The following SEPTIN2 variants were observed in gnomAD, a reference collection of about 807,000 sequenced individuals.
SEPTIN2 encodes the protein septin-2.
In SEPTIN2, 34 loss-of-function variants were observed where a neutral mutation model predicts 46.5. The observed-to-expected ratio is 0.73, with a 90% CI of 0.56 to 0.97. SEPTIN2 has a LOEUF of 0.97. Ranked by LOEUF, SEPTIN2 falls within the 50% of genes least tolerant of loss-of-function variation. SEPTIN2 has a pLI of 0.00. For missense variants in SEPTIN2, 347 were observed against 448.4 expected (o/e 0.77, Z 2.04); for synonymous variants, 175 against 153.4 (o/e 1.14, Z -1.04).
At chr2:241,318,896 C>A (rs1238429197) in intron 1 of SEPTIN2, among the ~76,000 whole-genome samples, 1 of 152,126 alleles carries the variant, frequency 6.6e-6, no homozygotes, top group African/African-American at 2.4e-5. Context: ...CGGGGTTTCA[C>A]CATGTTGGCC....
intron 7 of SEPTIN2, among the ~76,000 whole-genome samples, chr2:241,338,796 A>G (rs2080634312): frequency 8.9e-6 from 1 of 112,710 alleles, no homozygotes; most frequent in African/African-American, 3.7e-5. Context: ...TTATTTATAT[A>G]TAATACATAT....
rs111928970 is a variant in SEPTIN2 at position 241,322,605 on chromosome 2, C to CA, written c.-17-1598dup. Among the ~76,000 whole-genome samples the CA allele has an allele frequency of 4.2e-3, 421 of 100,562 alleles. 3 individuals carry two copies. The highest frequency in any genetic ancestry group is 0.017 in the Middle Eastern group (3 of 176). 66.0% of individuals were successfully genotyped at this position (100,562 alleles called of 152,430 possible). A position where few individuals can be genotyped will look rare whatever the true frequency, so the allele number is the denominator to read the frequency against. Reference sequence around the variant, plus strand: ...CGGGAGACAATGCGAGACTCCGTCTCAAAAAAAAAAAAAGAAAAGAGAAAA... The same window carrying CA: ...CGGGAGACAATGCGAGACTCCGTCTCAAAAAAAAAAAAAAGAAAAGAGAAAA... On this transcript the variant is annotated intron_variant, in intron 1 of 12. Transcript: ENST00000391971.
rs1465020331 is a variant in SEPTIN2 at position 241,352,562 on chromosome 2, A to G, written c.*625A>G. 6.5e-6 allele frequency: 1 copy of G among 152,674 alleles called. No homozygotes were observed. Among genetic ancestry groups the G allele is most frequent in the East Asian group, 1.9e-4 (1 of 5,202 alleles). 9.5% of individuals were successfully genotyped at this position (152,674 alleles called of 1,614,324 possible). ...ACATAATAGAATTTCCTAATGAGAT[A>G]TATCTTTATACTTAAACAGCTTTTT... On this transcript the variant is annotated 3_prime_UTR_variant, in exon 13 of 13. Coordinates refer to ENST00000391971, the MANE Select transcript of SEPTIN2 (RefSeq NM_004404.5).
intron 7 of SEPTIN2, 59 bp from the exon 8 acceptor site, chr2:241,342,933 T>G (rs1207669207): frequency 2.4e-6 from 2 of 817,496 alleles, no homozygotes; most frequent in African/African-American, 3.5e-5. Context: ...TGAGCTAGAA[T>G]TGGCTACAAT....
rs542336254 is a variant in SEPTIN2, at chr2:241,335,160, C to T, written c.165C>T (p.Asn55=). ...GTCTAGGAAAATCGACTCTCATAAA[C>T]AGCCTATTCCTAACTGATCTGTACC... ...ESGLGKSTLI[N]SLFLTDLYPE... is the part of the protein sequence containing the mutation. Residue 55 remains asparagine, a synonymous_variant, in exon 4 of 13, where the codon AAC becomes AAT. Coordinates refer to ENST00000391971, the MANE Select transcript of SEPTIN2 (RefSeq NM_004404.5). 2.5e-6 allele frequency: 4 copies of T among 1,613,792 alleles called. 1 individual carries two copies. In the South Asian group the frequency reaches 4.4e-5, roughly 18 times the overall value.
intron 9 of SEPTIN2, 57 bp from the exon 10 acceptor site, chr2:241,346,109 T>C (rs890244145): frequency 4.6e-6 from 6 of 1,301,114 alleles, no homozygotes; most frequent in Admixed American, 3.7e-5. Flanking sequence ...TGGTTTTTTT[T>C]CTCATGAGAA....
intron 3 of SEPTIN2, among the ~76,000 whole-genome samples, chr2:241,330,371 G>C (rs1013533361): frequency 6.6e-6 from 1 of 152,200 alleles, no homozygotes; most frequent in Admixed American, 6.5e-5. Flanking sequence ...AAAAAATAAT[G>C]ACTGCACCAT....
intron 9 of SEPTIN2, among the ~76,000 whole-genome samples, chr2:241,345,633 A>G (rs1405907819): frequency 2.0e-5 from 3 of 152,252 alleles, no homozygotes; most frequent in Non-Finnish European, 4.4e-5. Context: ...CATAAGATGA[A>G]TGGAAGGTTA....
At chr2:241,333,742 A>G (rs2150021171) in intron 3 of SEPTIN2, among the ~76,000 whole-genome samples, 1 of 152,180 alleles carries the variant, frequency 6.6e-6, no homozygotes, top group East Asian at 1.9e-4. Context: ...TGACCTCATG[A>G]TCCGCCTGCC....
intron 1 of SEPTIN2, chr2:241,320,102 C>A: frequency 2.6e-6 from 1 of 388,084 alleles, no homozygotes; most frequent in Non-Finnish European, 5.3e-6. Context: ...TGGCCTATGG[C>A]GTTCATTCAT....
At chr2:241,343,381 C>A (rs1248598114) in intron 8 of SEPTIN2, among the ~76,000 whole-genome samples, 2 of 152,024 alleles carry the variant, frequency 1.3e-5, no homozygotes, top group Non-Finnish European at 2.9e-5. Context: ...CACCTGTAGT[C>A]CCAGCCACTC....
rs138925679 is a variant in SEPTIN2, at chr2:241,352,949, G to A, written c.*1012G>A. 6.6e-6 allele frequency: 1 copy of A among 152,236 alleles called. No homozygotes were observed. The highest frequency in any genetic ancestry group is 1.5e-5 in the Non-Finnish European group (1 of 68,074). 9.4% of individuals were successfully genotyped at this position (152,236 alleles called of 1,614,324 possible). A position where few individuals can be genotyped will look rare whatever the true frequency, so the allele number is the denominator to read the frequency against. On this transcript the variant is annotated 3_prime_UTR_variant, in exon 13 of 13. Coordinates refer to ENST00000391971, the MANE Select transcript of SEPTIN2 (RefSeq NM_004404.5). ...ATCTGCCTCCCCTGTGGAAATTGGG[G>A]TCTGTTGGTGGGCGTGCCCCTGAAG...
At chr2:241,336,441 G>A (rs945590716) in intron 5 of SEPTIN2, 11 of 250,452 alleles carry the variant, frequency 4.4e-5, no homozygotes, top group Admixed American at 1.5e-4. Context: ...GGGTTGAGTC[G>A]TAGTGTCTGT....
rs2081466271 is a variant in SEPTIN2, at chr2:241,342,984, T to A, written c.595-8T>A. The A allele has an allele frequency of 1.3e-6, 2 of 1,527,400 alleles. No homozygotes were observed. The highest frequency in any genetic ancestry group is 3.5e-5 in the Admixed American group (2 of 57,858). The allele number at this position is 1,527,400 out of a possible 1,614,324, so 94.6% of individuals were successfully genotyped here. ...CTAAAATTGATCCTGGTTTTGTCAT[T>A]CTCTCAGATTCTGGATGAAATTGAA... is the stretch of plus-strand genomic sequence containing the variant. On this transcript the variant is annotated splice_polypyrimidine_tract_variant and splice_region_variant and intron_variant, in intron 7 of 12. Coordinates refer to ENST00000391971, the MANE Select transcript of SEPTIN2 (RefSeq NM_004404.5).
At chr2:241,344,363 A>T (rs550482471) in intron 9 of SEPTIN2, among the ~76,000 whole-genome samples, 1 of 152,274 alleles carries the variant, frequency 6.6e-6, no homozygotes, top group South Asian at 2.1e-4. Flanking sequence ...TTTATTATTA[A>T]TAGCAATTAC....
chr2:241,348,796 T>C (rs756213981), intron 11 of SEPTIN2, among the ~76,000 whole-genome samples: 9 of 152,184 alleles, frequency 5.9e-5, no homozygotes, highest in Non-Finnish European at 1.2e-4. Flanking sequence ...TATGGAAATA[T>C]GCTCTGTTGT....
At position 241,323,190 on chromosome 2, in the gene SEPTIN2, T is replaced by A. The variant is rs557490094; in HGVS notation, c.-17-1026T>A. ...CACCATCTAATTTTTTTTTTTTTTT[T>A]AATGGAGTCTCACTCTGTTGCCCAG... On this transcript the variant is annotated intron_variant, in intron 1 of 12. Coordinates refer to ENST00000391971, the MANE Select transcript of SEPTIN2 (RefSeq NM_004404.5). 9.3e-5 allele frequency among the ~76,000 whole-genome samples: 14 copies of A among 150,702 alleles called. No individual in the cohort carries two copies. In the East Asian group the frequency reaches 2.3e-3, roughly 25 times the overall value.
intron 7 of SEPTIN2, among the ~76,000 whole-genome samples, chr2:241,341,767 C>G (rs1008081663): frequency 6.6e-6 from 1 of 152,152 alleles, no homozygotes; most frequent in Non-Finnish European, 1.5e-5. Context: ...GAAAGCAAAT[C>G]CAGTGCACAG....
intron 5 of SEPTIN2, 38 bp downstream of exon 5, chr2:241,336,136 C>T: frequency 1.3e-6 from 2 of 1,591,976 alleles, no homozygotes; most frequent in Non-Finnish European, 1.7e-6. Context: ...CATTTGTTTA[C>T]TTAATATACT....
Sources: gnomAD v4.1 joint callset for allele counts (sites outside exome capture counted in the v4.1 genomes callset) on GRCh38, gnomAD v4.1.1 for gene constraint, MANE v1.5 for transcripts, NCBI Gene and HGNC (gene_info 2026-07-23, HGNC 2026-07-21) for gene names.